Variants in ITGAL observed in about 807,000 individuals in gnomAD.
ITGAL encodes the protein integrin subunit alpha L.
ITGAL carries 68 observed loss-of-function variants against 138.4 expected under a neutral mutation model. The ratio of observed to expected loss-of-function variants is 0.49; its 90% confidence interval spans 0.40 to 0.60. The LOEUF (loss-of-function observed/expected upper bound fraction) is 0.60. ITGAL is among the 20% of genes least tolerant of loss of function. The pLI is 0.00. For synonymous variants in ITGAL, 561 were observed against 584.3 expected (o/e 0.96, Z 0.57); for missense variants, 1,256 against 1,478.6 (o/e 0.85, Z 2.47).
chr16:30,489,322 C>T lies in ITGAL; in HGVS notation c.1149C>T (p.Asp383=). 6.2e-7 allele frequency: 1 copy of T among 1,613,920 alleles called. No individual in the cohort carries two copies. The highest frequency in any genetic ancestry group is 1.7e-5 in the Admixed American group (1 of 59,990). The change falls in exon 11 of 31, where the codon GAC becomes GAT. Residue 383 remains aspartate, a synonymous_variant. Coordinates refer to ENST00000356798, the MANE Select transcript of ITGAL (RefSeq NM_002209.3). ...WAGGFLDLKA[D]LQDDTFIGNE... ...GGGGCTTTCTTGACCTGAAGGCAGA[C>T]CTGCAGGATGACACATTTATTGGGA...
intron 22 of ITGAL, 123 bp downstream of exon 22, chr16:30,510,594 C>T (rs2051075514): frequency 1.5e-6 from 1 of 663,994 alleles, no homozygotes. Flanking sequence ...CTTGCCCCTA[C>T]CTAAGAGAAA....
chr16:30,488,155 A>G (rs1475487396), intron 9 of ITGAL, among the ~76,000 whole-genome samples: 1 of 151,302 alleles, frequency 6.6e-6, no homozygotes, highest in Non-Finnish European at 1.5e-5. Flanking sequence ...TGATCACACC[A>G]CTGCACTCCA....
At chr16:30,511,288 A>C in intron 24 of ITGAL, 152 bp downstream of exon 24, 1 of 646,564 alleles carries the variant, frequency 1.5e-6, no homozygotes, top group Non-Finnish European at 2.8e-6. Flanking sequence ...CCACAACCCC[A>C]AAAGTTTTCA....
chr16:30,501,227 C>T (rs1427220894), intron 17 of ITGAL, among the ~76,000 whole-genome samples: 9 of 151,950 alleles, frequency 5.9e-5, no homozygotes, highest in African/African-American at 1.9e-4. Context: ...CTACTCTTTT[C>T]ATACATTATA....
At position 30,496,275 on chromosome 16, in the gene ITGAL, T is replaced by C. The variant is rs755878834; in HGVS notation, c.1682T>C (p.Leu561Pro). The C allele has an allele frequency of 1.1e-5, 18 of 1,601,780 alleles. No homozygotes were observed. Among genetic ancestry groups the C allele is most frequent in the Non-Finnish European group, 9.4e-6 (11 of 1,172,774 alleles). The change falls in exon 14 of 31, where the codon CTT becomes CCT. Residue 561 changes from leucine (L) to proline (P), a missense_variant. By Grantham distance (98) the Leu-to-Pro change is moderately conservative (BLOSUM62 -3). This residue lies in a region of ITGAL where 867 missense variants were observed against 972.5 expected (regional missense o/e 0.89). Transcript: ENST00000356798. ...ATCTTCAATGGGAGGCACGGGGGGC[T>C]TAGTCCCCAGCCAAGTCAGGTGACG... is the stretch of plus-strand genomic sequence containing the variant. ...VYIFNGRHGG[L>P]SPQPSQRIEG...
At chr16:30,478,988 A>C (rs2050514144) in intron 4 of ITGAL, 103 bp from the exon 5 acceptor site, 2 of 836,994 alleles carry the variant, frequency 2.4e-6, no homozygotes, top group Non-Finnish European at 4.0e-6. Context: ...AGAGGAAGTG[A>C]GAAAGAGGAC....
At chr16:30,496,004 C>T in intron 13 of ITGAL, 93 bp from the exon 14 acceptor site, 2 of 1,037,548 alleles carry the variant, frequency 1.9e-6, no homozygotes, top group Non-Finnish European at 3.0e-6. Flanking sequence ...TGTGAGGGAC[C>T]CCATCTTACG....
intron 17 of ITGAL, among the ~76,000 whole-genome samples, chr16:30,500,879 C>T (rs1351427783): frequency 6.6e-6 from 1 of 152,072 alleles, no homozygotes; most frequent in East Asian, 1.9e-4. Context: ...TGGCACATGC[C>T]TGTGATCCCA....
intron 13 of ITGAL, among the ~76,000 whole-genome samples, chr16:30,495,143 G>C (rs2050781552): frequency 1.3e-5 from 2 of 152,188 alleles, no homozygotes. Flanking sequence ...TCCTGCCTCA[G>C]CCTCCCGAGT....
chr16:30,500,675 G>A (rs1055062317), intron 17 of ITGAL, among the ~76,000 whole-genome samples: 16 of 151,870 alleles, frequency 1.1e-4, no homozygotes, highest in African/African-American at 1.7e-4. Context: ...TCAGCCTCCC[G>A]AGTAGCTAGG....
chr16:30,507,892 T>C (rs1005499058), intron 21 of ITGAL, among the ~76,000 whole-genome samples: 3 of 152,092 alleles, frequency 2.0e-5, no homozygotes, highest in Non-Finnish European at 4.4e-5. Flanking sequence ...TTTATTTTTT[T>C]ATTTTCTTTA....
intron 6 of ITGAL, chr16:30,481,183 C>CACACACCACA (rs1555505200): frequency 2.8e-6 from 1 of 355,326 alleles, no homozygotes; most frequent in African/African-American, 2.6e-5. Flanking sequence ...CACACACACA[C>CACACACCACA]CACACACACA....
chr16:30,485,722 A>T (rs2050638437), intron 9 of ITGAL, among the ~76,000 whole-genome samples: 1 of 148,202 alleles, frequency 6.7e-6, no homozygotes, highest in Non-Finnish European at 1.5e-5. Flanking sequence ...TTGTAGAGGC[A>T]GGGATCTCGC....
At chr16:30,488,959 T>A in intron 9 of ITGAL, 123 bp from the exon 10 acceptor site, 1 of 800,684 alleles carries the variant, frequency 1.2e-6, no homozygotes, top group East Asian at 2.5e-5. Flanking sequence ...TGCCTGACCC[T>A]CACATGCATG....
At chr16:30,482,604 C>A (rs1220692570) in intron 7 of ITGAL, among the ~76,000 whole-genome samples, 1 of 152,006 alleles carries the variant, frequency 6.6e-6, no homozygotes, top group Non-Finnish European at 1.5e-5. Context: ...AGATGAGAGA[C>A]AATGGTTGTA....
At chr16:30,510,570 C>A in intron 22 of ITGAL, 99 bp downstream of exon 22, 1 of 756,028 alleles carries the variant, frequency 1.3e-6, no homozygotes, top group Non-Finnish European at 2.4e-6. Context: ...AGGTGATTGT[C>A]AAGAAGGGTG....
Position 30,496,128 on chromosome 16 carries a change from G to C in ITGAL, c.1535G>C (p.Gly512Ala). 1.2e-6 allele frequency: 2 copies of C among 1,613,988 alleles called. No homozygotes were observed. Among genetic ancestry groups the C allele is most frequent in the Non-Finnish European group, 1.7e-6 (2 of 1,180,012 alleles). ...TTTGAAGAAGTCTCAGAGCTGCAGG[G>C]GGACCCCGGCTACCCACTCGGGCGG... ...LGFEEVSELQ[G>A]DPGYPLGRFG... The change falls in exon 14 of 31, where the codon GGG (glycine) becomes GCG (alanine). Residue 512 changes from glycine to alanine, a missense_variant. By Grantham distance (60) the Gly-to-Ala change is moderately conservative. This residue lies in a region of ITGAL where 867 missense variants were observed against 972.5 expected (regional missense o/e 0.89). Transcript: ENST00000356798.
chr16:30,497,160 C>G (rs372825576), intron 15 of ITGAL, among the ~76,000 whole-genome samples: 1 of 151,918 alleles, frequency 6.6e-6, no homozygotes, highest in African/African-American at 2.4e-5. Flanking sequence ...CTGGCTAACA[C>G]GGTGAAACCC....
rs2050415505 is a variant in ITGAL, at chr16:30,472,967, G to T, written c.61+69G>T. 1.9e-5 allele frequency: 28 copies of T among 1,465,580 alleles called. 1 individual carries two copies. The South Asian group carries it at 3.3e-4, about 17-fold the overall frequency. 90.8% of individuals were successfully genotyped at this position (1,465,580 alleles called of 1,614,324 possible). On this transcript the variant is annotated intron_variant, in intron 1 of 30. Coordinates refer to ENST00000356798, the MANE Select transcript of ITGAL (RefSeq NM_002209.3). ...CAGAGAAACTGCAGGGCTTGGTGCA[G>T]CTGGAGTAAACAAGGAGCTGCCCCC...
Sources: gnomAD v4.1 joint callset for allele counts (sites outside exome capture counted in the v4.1 genomes callset) on GRCh38, gnomAD v4.1.1 for gene constraint, gnomAD v4.1.1 regional missense constraint, MANE v1.5 for transcripts, NCBI Gene and HGNC (gene_info 2026-07-23, HGNC 2026-07-21) for gene names.